The following TENM2 variants were observed in gnomAD, a reference collection of about 807,000 sequenced individuals.
TENM2 encodes the protein teneurin-2.
In TENM2, 52 loss-of-function variants were observed where a neutral mutation model predicts 245.2. The observed-to-expected ratio is 0.21, with a 90% CI of 0.17 to 0.27. TENM2 has a LOEUF of 0.27. Among genes scored for constraint, TENM2 ranks in the 10% least tolerant of loss-of-function variants. The probability of loss-of-function intolerance (pLI) is 1.00; values close to 1 mark genes in which losing one functional copy is unlikely to be tolerated. For synonymous variants in TENM2, 1,363 were observed against 1,438.9 expected (o/e 0.95, Z 1.19); for missense variants, 3,046 against 3,666.8 (o/e 0.83, Z 4.37).
At chr5:168,049,297 C>T (rs1318047510) in intron 6 of TENM2, among the ~76,000 whole-genome samples, 5 of 152,124 alleles carry the variant, frequency 3.3e-5, no homozygotes, top group Admixed American at 2.0e-4. Flanking sequence ...ATGGGGTCTC[C>T]GTCACGTTTT....
the TENM2 span, among the ~76,000 whole-genome samples, chr5:167,191,149 A>C: frequency 1.3e-4 from 20 of 152,046 alleles, no homozygotes; most frequent in African/African-American, 4.8e-4. Context: ...AAAAAATTCA[A>C]CAAGTTAATA....
chr5:167,855,542 A>G (rs1213804562), intron 2 of TENM2, among the ~76,000 whole-genome samples: 1 of 151,966 alleles, frequency 6.6e-6, no homozygotes, highest in East Asian at 1.9e-4. Flanking sequence ...CCAGAATATA[A>G]GCTCCCAGAA....
intron 2 of TENM2, among the ~76,000 whole-genome samples, chr5:167,852,478 TC>T (rs781344836): frequency 6.6e-6 from 1 of 152,216 alleles, no homozygotes; most frequent in African/African-American, 2.4e-5. Flanking sequence ...AACGGTAGCA[TC>T]TTTTAGCTGT....
chr5:167,000,295 C>T, the TENM2 span, among the ~76,000 whole-genome samples: 1 of 152,098 alleles, frequency 6.6e-6, no homozygotes, highest in Non-Finnish European at 1.5e-5. Context: ...AAATATCAAC[C>T]TATTTGGATT....
At chr5:167,820,195 G>C (rs572418030) in intron 2 of TENM2, among the ~76,000 whole-genome samples, 1 of 152,130 alleles carries the variant, frequency 6.6e-6, no homozygotes, top group South Asian at 2.1e-4. Flanking sequence ...GTTGGGACAC[G>C]CCTCAAAGTG....
At chr5:168,237,953 T>A (rs1344209002) in intron 25 of TENM2, among the ~76,000 whole-genome samples, 2 of 151,224 alleles carry the variant, frequency 1.3e-5, no homozygotes, top group Non-Finnish European at 2.9e-5. Context: ...CCATCTTGGC[T>A]AACACGGTGA....
At chr5:167,676,945 C>T (rs183679942) in intron 2 of TENM2, among the ~76,000 whole-genome samples, 60 of 152,178 alleles carry the variant, frequency 3.9e-4, no homozygotes, top group African/African-American at 1.4e-3. Context: ...AAAATGACCT[C>T]CTGAAGTCAG....
intron 15 of TENM2, among the ~76,000 whole-genome samples, chr5:168,195,735 C>A (rs1761377314): frequency 6.6e-6 from 1 of 151,956 alleles, no homozygotes; most frequent in Non-Finnish European, 1.5e-5. Flanking sequence ...TGGTGATCCC[C>A]TTCTGCTTTC....
intron 2 of TENM2, among the ~76,000 whole-genome samples, chr5:167,399,602 A>G (rs1762255243): frequency 6.6e-6 from 1 of 152,146 alleles, no homozygotes; most frequent in Non-Finnish European, 1.5e-5. Context: ...TTGGAATGAG[A>G]CTGTCTGGGT....
intron 3 of TENM2, among the ~76,000 whole-genome samples, chr5:167,909,668 G>A (rs953570380): frequency 6.6e-6 from 1 of 152,206 alleles, no homozygotes; most frequent in Non-Finnish European, 1.5e-5. Flanking sequence ...AGTAAAAACA[G>A]ACAAAGAGTT....
chr5:167,151,696 T>A, the TENM2 span, among the ~76,000 whole-genome samples: 1 of 151,866 alleles, frequency 6.6e-6, no homozygotes, highest in Admixed American at 6.6e-5. Flanking sequence ...CTTTTGTATT[T>A]TTAGTAGAGA....
intron 22 of TENM2, among the ~76,000 whole-genome samples, chr5:168,217,266 A>G (rs2152563324): frequency 6.6e-6 from 1 of 152,310 alleles, no homozygotes; most frequent in South Asian, 2.1e-4. Context: ...GTACAGTGTT[A>G]TATGTCAATC....
At chr5:167,779,577 T>C (rs749036972) in intron 2 of TENM2, among the ~76,000 whole-genome samples, 1 of 152,190 alleles carries the variant, frequency 6.6e-6, no homozygotes, top group Non-Finnish European at 1.5e-5. Flanking sequence ...TACACATGAC[T>C]TTATTAGGGT....
intron 2 of TENM2, among the ~76,000 whole-genome samples, chr5:167,640,349 G>C (rs1056263361): frequency 1.3e-5 from 2 of 152,116 alleles, no homozygotes; most frequent in African/African-American, 4.8e-5. Context: ...CGGGCGCGGT[G>C]GTTCATGCCT....
intron 5 of TENM2, among the ~76,000 whole-genome samples, chr5:168,001,162 G>A (rs191630037): frequency 7.9e-5 from 12 of 152,334 alleles, no homozygotes; most frequent in Non-Finnish European, 1.8e-4. Flanking sequence ...CCCTATGTAA[G>A]GGGAGGTTTT....
At chr5:167,012,534 G>A in the TENM2 span, among the ~76,000 whole-genome samples, 1 of 152,064 alleles carries the variant, frequency 6.6e-6, no homozygotes, top group African/African-American at 2.4e-5. Flanking sequence ...AGAACTGTCA[G>A]AGGAAGTGGT....
At chr5:168,120,775 T>A (rs1795415323) in intron 10 of TENM2, among the ~76,000 whole-genome samples, 2 of 152,256 alleles carry the variant, frequency 1.3e-5, no homozygotes, top group African/African-American at 4.8e-5. Context: ...CCATTTAGCT[T>A]TTTTATTTCT....
chr5:167,623,327 G>A (rs1041728983), intron 2 of TENM2, among the ~76,000 whole-genome samples: 9 of 152,256 alleles, frequency 5.9e-5, no homozygotes, highest in East Asian at 5.8e-4. Flanking sequence ...AGGGAAGACC[G>A]AATTCTCTTT....
the TENM2 span, among the ~76,000 whole-genome samples, chr5:167,133,079 C>T: frequency 6.6e-6 from 1 of 152,060 alleles, no homozygotes; most frequent in Admixed American, 6.5e-5. Context: ...AGGAGCCACT[C>T]ACACAGCACA....
Sources: allele counts gnomAD v4.1 joint callset (sites outside exome capture counted in the v4.1 genomes callset), GRCh38; gene constraint gnomAD v4.1.1; transcripts MANE v1.5; gene names NCBI Gene and HGNC (gene_info 2026-07-23, HGNC 2026-07-21).